Variants in PPM1L observed in about 807,000 individuals in gnomAD.
The protein encoded by PPM1L is protein phosphatase 1L.
A neutral mutation model predicts 31.4 loss-of-function variants in PPM1L; 13 were observed. That is an observed-to-expected ratio of 0.41 (90% CI 0.27 to 0.66). The LOEUF (loss-of-function observed/expected upper bound fraction) is 0.66. Among genes scored for constraint, PPM1L ranks in the 30% least tolerant of loss-of-function variants. PPM1L has a pLI of 0.29. For missense variants in PPM1L, 326 were observed against 453.7 expected (o/e 0.72, Z 2.56); for synonymous variants, 184 against 175.4 (o/e 1.05, Z -0.39).
At chr3:160,821,766 A>G (rs547852124) in intron 1 of PPM1L, among the ~76,000 whole-genome samples, 1 of 151,672 alleles carries the variant, frequency 6.6e-6, no homozygotes, top group African/African-American at 2.4e-5. Context: ...GGACTTCTTT[A>G]TCTTTAATCC....
intron 1 of PPM1L, among the ~76,000 whole-genome samples, chr3:160,773,256 G>C (rs1407960554): frequency 6.6e-6 from 1 of 152,164 alleles, no homozygotes; most frequent in African/African-American, 2.4e-5. Context: ...TAATGATATT[G>C]AGCATATTTT....
intron 2 of PPM1L, among the ~76,000 whole-genome samples, chr3:160,967,680 G>C (rs1716200417): frequency 6.6e-6 from 1 of 152,026 alleles, no homozygotes. Context: ...CATTAGTTTA[G>C]AAAGTTTTTC....
intron 1 of PPM1L, among the ~76,000 whole-genome samples, chr3:160,956,076 T>C (rs1300284563): frequency 6.6e-6 from 1 of 152,152 alleles, no homozygotes; most frequent in Non-Finnish European, 1.5e-5. Context: ...TAATAGTAAA[T>C]AGTATTTTAG....
chr3:160,819,963 A>G (rs774095021), intron 1 of PPM1L, among the ~76,000 whole-genome samples: 1 of 152,114 alleles, frequency 6.6e-6, no homozygotes, highest in East Asian at 1.9e-4. Context: ...TATGACATCT[A>G]GAACACTGGC....
At chr3:160,823,918 C>T (rs1030076268) in intron 1 of PPM1L, among the ~76,000 whole-genome samples, 1 of 152,088 alleles carries the variant, frequency 6.6e-6, no homozygotes, top group Admixed American at 6.6e-5. Context: ...TGTAAATTGG[C>T]TTATTTGAAT....
In PPM1L at chr3:160,774,481, T is replaced by C. The variant is rs376146996; in HGVS notation, c.399+17774T>C. The stretch of plus-strand genomic sequence containing the variant: ...TTCTATTAATAAACCAACTGGATTA[T>C]ATATTGTTTCTTTTTTTAAAAAAAC... On this transcript the variant is annotated intron_variant, in intron 1 of 3. Coordinates refer to ENST00000498165, the MANE Select transcript of PPM1L (RefSeq NM_139245.4). Among the ~76,000 whole-genome samples, 4 of 152,228 alleles carry C rather than the reference T, an allele frequency of 2.6e-5. No individual in the cohort carries two copies. The East Asian group carries it at 7.7e-4, about 29-fold the overall frequency.
At chr3:161,057,800 C>T (rs927876020) in intron 2 of PPM1L, among the ~76,000 whole-genome samples, 1 of 151,980 alleles carries the variant, frequency 6.6e-6, no homozygotes, top group Non-Finnish European at 1.5e-5. Context: ...GTAGCCCCAA[C>T]ACTGAAACCT....
chr3:160,976,996 C>G (rs1032562568), intron 2 of PPM1L, among the ~76,000 whole-genome samples: 7 of 152,078 alleles, frequency 4.6e-5, no homozygotes, highest in Non-Finnish European at 1.5e-5. Flanking sequence ...TTCCTGCTTT[C>G]TGTTGTGGGC....
chr3:160,898,246 T>G (rs1478831997), intron 1 of PPM1L, among the ~76,000 whole-genome samples: 2 of 152,106 alleles, frequency 1.3e-5, no homozygotes, highest in African/African-American at 4.8e-5. Context: ...ATAGACAAAA[T>G]GGCTTTACTC....
chr3:161,063,573 A>G (rs1308047145), intron 2 of PPM1L, among the ~76,000 whole-genome samples: 1 of 151,562 alleles, frequency 6.6e-6, no homozygotes. Flanking sequence ...TGTTGGTGGG[A>G]GTCTAAATTA....
At chr3:160,781,017 C>T (rs993868486) in intron 1 of PPM1L, among the ~76,000 whole-genome samples, 1 of 152,116 alleles carries the variant, frequency 6.6e-6, no homozygotes, top group African/African-American at 2.4e-5. Flanking sequence ...CTTTACTCTT[C>T]ATTTAGCAAC....
chr3:160,827,653 C>G (rs977294950), intron 1 of PPM1L, among the ~76,000 whole-genome samples: 2 of 152,070 alleles, frequency 1.3e-5, no homozygotes, highest in Non-Finnish European at 2.9e-5. Flanking sequence ...AAAGTGATAG[C>G]TATTAGACTG....
At chr3:160,847,699 C>T (rs763061552) in intron 1 of PPM1L, among the ~76,000 whole-genome samples, 4 of 152,144 alleles carry the variant, frequency 2.6e-5, no homozygotes, top group Non-Finnish European at 4.4e-5. Context: ...GCAAAAACCT[C>T]AGAAACAAAA....
intron 1 of PPM1L, among the ~76,000 whole-genome samples, chr3:160,852,806 G>A (rs1258983649): frequency 6.6e-6 from 1 of 152,144 alleles, no homozygotes; most frequent in East Asian, 1.9e-4. Context: ...TTATAACACT[G>A]TATTTTATTT....
chr3:160,878,675 G>A (rs945588237), intron 1 of PPM1L, among the ~76,000 whole-genome samples: 2 of 152,094 alleles, frequency 1.3e-5, no homozygotes, highest in Non-Finnish European at 2.9e-5. Context: ...CCATAACAGG[G>A]CCCCTTTCAG....
intron 1 of PPM1L, among the ~76,000 whole-genome samples, chr3:160,817,905 G>C (rs1002514455): frequency 3.9e-5 from 6 of 151,986 alleles, no homozygotes; most frequent in Non-Finnish European, 8.8e-5. Context: ...GGATAATAGA[G>C]ACAGGGATTG....
chr3:160,768,220 T>A (rs1204123739), intron 1 of PPM1L, among the ~76,000 whole-genome samples: 1 of 152,250 alleles, frequency 6.6e-6, no homozygotes, highest in Non-Finnish European at 1.5e-5. Context: ...TGAATTGTCA[T>A]GTAATCCAAA....
intron 1 of PPM1L, among the ~76,000 whole-genome samples, chr3:160,819,919 T>C (rs1713143463): frequency 6.6e-6 from 1 of 152,112 alleles, no homozygotes; most frequent in South Asian, 2.1e-4. Flanking sequence ...TATATACTAA[T>C]AATGCAAGGA....
chr3:160,808,957 C>A (rs1343014953), intron 1 of PPM1L, among the ~76,000 whole-genome samples: 1 of 152,128 alleles, frequency 6.6e-6, no homozygotes, highest in Non-Finnish European at 1.5e-5. Flanking sequence ...CCCATATGAT[C>A]TGGGAACTGA....
Sources: allele counts gnomAD v4.1 joint callset (sites outside exome capture counted in the v4.1 genomes callset), GRCh38; gene constraint gnomAD v4.1.1; transcripts MANE v1.5; gene names NCBI Gene and HGNC (gene_info 2026-07-23, HGNC 2026-07-21).